ZNF678: variants seen among roughly 807,000 people sequenced by gnomAD.
The protein encoded by ZNF678 is zinc finger protein 678.
A neutral mutation model predicts 3.0 loss-of-function variants in ZNF678; 5 were observed. That is an observed-to-expected ratio of 1.69 (90% CI 0.88 to 3.56). The LOEUF is 3.56. Among genes scored for constraint, ZNF678 ranks in the 30% most tolerant of loss-of-function variants. ZNF678 has a pLI of 0.00. For missense variants in ZNF678, 593 were observed against 605.0 expected (o/e 0.98, Z 0.21); for synonymous variants, 218 against 199.6 (o/e 1.09, Z -0.78).
chr1:227,610,902 G>GC (rs1658001247), intron 1 of ZNF678, among the ~76,000 whole-genome samples: 1 of 152,086 alleles, frequency 6.6e-6, no homozygotes, highest in African/African-American at 2.4e-5. Flanking sequence ...CTTTTTCAAG[G>GC]CCAGGGAAAG....
intron 1 of ZNF678, among the ~76,000 whole-genome samples, chr1:227,573,195 A>G (rs1656899518): frequency 6.6e-6 from 1 of 152,246 alleles, no homozygotes; most frequent in African/African-American, 2.4e-5. Context: ...TGAAGGAGAT[A>G]CAGCGTGGGG....
intron 1 of ZNF678, among the ~76,000 whole-genome samples, chr1:227,609,288 C>T (rs1323307732): frequency 6.6e-6 from 1 of 151,922 alleles, no homozygotes; most frequent in African/African-American, 2.4e-5. Flanking sequence ...AGAACTAAAC[C>T]AAATATAAAC....
At chr1:227,664,240 G>T (rs1019945453), downstream of ZNF678, among the ~76,000 whole-genome samples, 2 of 152,152 alleles carry the variant, frequency 1.3e-5, no homozygotes, top group African/African-American at 4.8e-5. Context: ...AGCCAGGGAG[G>T]AAACCAGATC....
At chr1:227,578,681 A>G (rs1300293928) in intron 1 of ZNF678, among the ~76,000 whole-genome samples, 3 of 152,170 alleles carry the variant, frequency 2.0e-5, no homozygotes, top group Non-Finnish European at 4.4e-5. Flanking sequence ...TTAGGTTTCA[A>G]TGTATGCCCA....
intron 1 of ZNF678, among the ~76,000 whole-genome samples, chr1:227,608,540 T>G (rs987622756): frequency 6.6e-6 from 1 of 152,158 alleles, no homozygotes; most frequent in Non-Finnish European, 1.5e-5. Context: ...TTCTACAAAT[T>G]ATTACTAATA....
intron 1 of ZNF678, among the ~76,000 whole-genome samples, chr1:227,629,447 G>A (rs1176582523): frequency 2.0e-5 from 3 of 152,262 alleles, no homozygotes; most frequent in Non-Finnish European, 4.4e-5. Flanking sequence ...TGTGAAAAGA[G>A]TAAAGTTACC....
chr1:227,646,619 A>T lies in ZNF678; in HGVS notation c.-88A>T. ...GGCATGCCTGGACCCTGCCCAGCGA[A>T]ATTTGTATAGGGATGTGATGTTCGA... On this transcript the variant is annotated 5_prime_UTR_variant, in exon 2 of 4. Coordinates refer to ENST00000343776, the MANE Select transcript of ZNF678 (RefSeq NM_001367909.1). 2.9e-6 allele frequency: 4 copies of T among 1,372,498 alleles called. No homozygotes were observed. The highest frequency in any genetic ancestry group is 3.9e-6 in the Non-Finnish European group (4 of 1,024,764). The allele number at this position is 1,372,498 out of a possible 1,614,324, so 85.0% of individuals were successfully genotyped here. A position where few individuals can be genotyped will look rare whatever the true frequency, so the allele number is the denominator to read the frequency against.
rs541508830 is a variant in ZNF678, at chr1:227,581,357, AGAAGGAAG to A, written c.-164+17642_-164+17649del. Among the ~76,000 whole-genome samples, 697 of 152,024 alleles carry A rather than the reference AGAAGGAAG, an allele frequency of 4.6e-3. 2 individuals carry two copies. The highest frequency in any genetic ancestry group is 6.8e-3 in the Middle Eastern group (2 of 294). ...TTAAAAAGAGGAATAAAGAAAGAAA[AGAAGGAAG>A]GAAGGAAGAGAGGAAAAGAAAGAAA... is the stretch of plus-strand genomic sequence containing the variant. On this transcript the variant is annotated intron_variant, in intron 1 of 3. Coordinates refer to ENST00000343776, the MANE Select transcript of ZNF678 (RefSeq NM_001367909.1).
In ZNF678 at chr1:227,614,782, T is replaced by C. The variant is rs553324700; in HGVS notation, c.-163-31762T>C. ...ATGTCCTTCCAGACCATGTATCAGT[T>C]ATTCCACCTGCTGAAAGATACCCTC... is the stretch of plus-strand genomic sequence containing the variant. On this transcript the variant is annotated intron_variant, in intron 1 of 3. Coordinates refer to ENST00000343776, the MANE Select transcript of ZNF678 (RefSeq NM_001367909.1). Among the ~76,000 whole-genome samples the C allele has an allele frequency of 4.6e-5, 7 of 152,354 alleles. 2 individuals are homozygous for C. Among genetic ancestry groups the C allele is most frequent in the African/African-American group, 1.7e-4 (7 of 41,590 alleles).
chr1:227,584,300 G>C (rs988306214), intron 1 of ZNF678, among the ~76,000 whole-genome samples: 2 of 152,126 alleles, frequency 1.3e-5, no homozygotes, highest in Admixed American at 1.3e-4. Context: ...GCTTAAATAG[G>C]AAAATTAATG....
intron 2 of ZNF678, 45 bp downstream of exon 2, chr1:227,646,715 A>T (rs1350111923): frequency 2.2e-6 from 3 of 1,344,792 alleles, no homozygotes; most frequent in Admixed American, 4.3e-5. Context: ...CATACTACGG[A>T]TTCCATATTT....
chr1:227,609,407 A>G (rs1657959041), intron 1 of ZNF678, among the ~76,000 whole-genome samples: 1 of 152,248 alleles, frequency 6.6e-6, no homozygotes, highest in African/African-American at 2.4e-5. Context: ...TGCATTACAG[A>G]GGAACGATGA....
At chr1:227,612,460 G>A (rs1166630201) in intron 1 of ZNF678, among the ~76,000 whole-genome samples, 3 of 151,994 alleles carry the variant, frequency 2.0e-5, no homozygotes, top group African/African-American at 7.3e-5. Context: ...TTGGTGGAAC[G>A]GTGCTGATTT....
At chr1:227,616,220 C>T (rs1658137808) in intron 1 of ZNF678, among the ~76,000 whole-genome samples, 1 of 152,134 alleles carries the variant, frequency 6.6e-6, no homozygotes, top group East Asian at 1.9e-4. Flanking sequence ...AGAGATAGGA[C>T]CCTTTGGGAA....
chr1:227,621,949 A>T (rs940404277), intron 1 of ZNF678, among the ~76,000 whole-genome samples: 1 of 152,226 alleles, frequency 6.6e-6, no homozygotes, highest in Admixed American at 6.5e-5. Flanking sequence ...TAATTCTGGT[A>T]TAGCATCACA....
At chr1:227,589,481 T>C (rs1195511148) in intron 1 of ZNF678, among the ~76,000 whole-genome samples, 2 of 151,712 alleles carry the variant, frequency 1.3e-5, no homozygotes, top group Non-Finnish European at 2.9e-5. Flanking sequence ...CAGACAAAAC[T>C]CCTCAGACAC....
rs1041166562 is a variant in ZNF678, at chr1:227,659,552, A to C, written c.*3724A>C. The stretch of plus-strand genomic sequence containing the variant: ...GCCATAGAGTCCTTTGGTGACTCCC[A>C]TGTTCTGTGCTGGTTCTAGAACATG... On this transcript the variant is annotated 3_prime_UTR_variant, in exon 4 of 4. Coordinates refer to ENST00000343776, the MANE Select transcript of ZNF678 (RefSeq NM_001367909.1). The C allele has an allele frequency of 6.6e-6, 1 of 152,116 alleles. No homozygotes were observed. The highest frequency in any genetic ancestry group is 2.4e-5 in the African/African-American group (1 of 41,422). 9.4% of individuals were successfully genotyped at this position (152,116 alleles called of 1,614,324 possible). A position where few individuals can be genotyped will look rare whatever the true frequency, so the allele number is the denominator to read the frequency against.
chr1:227,598,564 C>T (rs1275485579), intron 1 of ZNF678: 2 of 762,944 alleles, frequency 2.6e-6, no homozygotes, highest in Admixed American at 2.7e-5. Flanking sequence ...CGTACCTCCT[C>T]AGTAAACTGT....
Position 227,635,142 on chromosome 1 carries a change from T to C in ZNF678, c.-163-11402T>C, listed in dbSNP as rs189288358. ...GAATACGTAAGTGAAGAGATTATGC[T>C]TTTCTCCCTTTTTATAAACCACTTA... On this transcript the variant is annotated intron_variant, in intron 1 of 3. Transcript: ENST00000343776. Among the ~76,000 whole-genome samples, 703 of 152,304 alleles carry C rather than the reference T, an allele frequency of 4.6e-3. 6 individuals carry two copies. The highest frequency in any genetic ancestry group is 0.016 in the African/African-American group (674 of 41,560).
Sources: gnomAD v4.1 joint callset for allele counts (sites outside exome capture counted in the v4.1 genomes callset) on GRCh38, gnomAD v4.1.1 for gene constraint, MANE v1.5 for transcripts, NCBI Gene and HGNC (gene_info 2026-07-23, HGNC 2026-07-21) for gene names.